Variants in MTHFD1L observed in about 807,000 individuals in gnomAD.
MTHFD1L encodes the protein methylenetetrahydrofolate dehydrogenase (NADP+ dependent) 1 like.
In MTHFD1L, 81 loss-of-function variants were observed where a neutral mutation model predicts 119.5. The observed-to-expected ratio is 0.68, with a 90% CI of 0.57 to 0.82. The LOEUF (loss-of-function observed/expected upper bound fraction) is 0.82, where lower values mean the gene tolerates loss of function less well. Among genes scored for constraint, MTHFD1L ranks in the 40% least tolerant of loss-of-function variants. The probability of loss-of-function intolerance (pLI) is 0.00; values close to 1 mark genes in which losing one functional copy is unlikely to be tolerated. For synonymous variants in MTHFD1L, 430 were observed against 475.2 expected (o/e 0.90, Z 1.24); for missense variants, 1,125 against 1,253.4 (o/e 0.90, Z 1.55).
At position 150,993,102 on chromosome 6, in the gene MTHFD1L, C is replaced by T. The variant is rs75172822; in HGVS notation, c.2126-16717C>T. 8.0e-3 allele frequency among the ~76,000 whole-genome samples: 1,224 copies of T among 152,162 alleles called. 14 individuals carry two copies. Among genetic ancestry groups the T allele is most frequent in the African/African-American group, 0.028 (1,158 of 41,504 alleles). ...ATTTCTCTCTCCATATTGTTTAGTC[C>T]CTTTTTCTTTGTTTGTTTTATGAAA... On this transcript the variant is annotated intron_variant, in intron 20 of 27. Coordinates refer to ENST00000367321, the MANE Select transcript of MTHFD1L (RefSeq NM_015440.5).
At chr6:150,893,136 C>T (rs1258992823) in intron 7 of MTHFD1L, among the ~76,000 whole-genome samples, 2 of 152,164 alleles carry the variant, frequency 1.3e-5, no homozygotes, top group Admixed American at 1.3e-4. Flanking sequence ...GCGATCTCGG[C>T]TCACTAAAGC....
intron 10 of MTHFD1L, among the ~76,000 whole-genome samples, chr6:150,923,896 T>A (rs9478860): frequency 0.089 from 13,477 of 152,166 alleles, 842 homozygotes; most frequent in African/African-American, 0.17. Flanking sequence ...CCTGGGCTTG[T>A]GCAATCTGTT....
intron 20 of MTHFD1L, among the ~76,000 whole-genome samples, chr6:150,994,979 A>G (rs563820869): frequency 2.6e-5 from 4 of 152,172 alleles, no homozygotes; most frequent in Non-Finnish European, 5.9e-5. Context: ...TTGCCAGTAT[A>G]ATAAACATAA....
intron 21 of MTHFD1L, among the ~76,000 whole-genome samples, chr6:151,010,991 C>A (rs1364126767): frequency 1.3e-5 from 2 of 152,164 alleles, no homozygotes; most frequent in Admixed American, 1.3e-4. Context: ...GATAAGGAAG[C>A]TGAGTTTTGA....
intron 24 of MTHFD1L, among the ~76,000 whole-genome samples, chr6:151,029,150 G>T (rs1431771078): frequency 2.0e-5 from 3 of 152,030 alleles, no homozygotes; most frequent in Non-Finnish European, 4.4e-5. Flanking sequence ...GCCAGACACA[G>T]TGGCTCACAC....
At chr6:151,061,399 G>T (rs1212882642) in intron 26 of MTHFD1L, among the ~76,000 whole-genome samples, 3 of 152,090 alleles carry the variant, frequency 2.0e-5, no homozygotes, top group Admixed American at 2.0e-4. Context: ...ATTGGGTAAT[G>T]GTCACGTACC....
At chr6:151,095,027 C>G (rs1315546726) in intron 27 of MTHFD1L, among the ~76,000 whole-genome samples, 1 of 152,164 alleles carries the variant, frequency 6.6e-6, no homozygotes, top group Non-Finnish European at 1.5e-5. Flanking sequence ...TACATTAAAA[C>G]AAAGTGTGAA....
chr6:150,980,971 C>T (rs116066337), intron 20 of MTHFD1L, among the ~76,000 whole-genome samples: 408 of 151,794 alleles, frequency 2.7e-3, no homozygotes, highest in African/African-American at 6.6e-3. Context: ...TTCATGGTAC[C>T]GCCCGGGCAA....
intron 27 of MTHFD1L, among the ~76,000 whole-genome samples, chr6:151,094,016 G>A (rs1050211792): frequency 1.6e-4 from 24 of 152,118 alleles, no homozygotes; most frequent in East Asian, 5.8e-4. Flanking sequence ...ACTCCCCATC[G>A]TGAAGAAAAA....
In MTHFD1L at chr6:151,034,550, A is replaced by G. The variant is rs942818423; in HGVS notation, c.2644A>G (p.Ile882Val). The change falls in exon 25 of 28, where the codon ATT (isoleucine) becomes GTT (valine). Residue 882 changes from isoleucine (I) to valine (V), a missense_variant. Ile to Val is a conservative substitution (Grantham distance 29). Transcript: ENST00000367321. ...TCAGGCTGTCTATGGAGCCAAAGAT[A>G]TTGAACTCTCTCCTGAGGCACAAGC... Reference protein sequence around the residue: ...IAQAVYGAKDIELSPEAQAKI... With the variant: ...IAQAVYGAKDVELSPEAQAKI... 1 of 1,612,000 alleles carries G rather than the reference A, an allele frequency of 6.2e-7. No homozygotes were observed. The highest frequency in any genetic ancestry group is 8.5e-7 in the Non-Finnish European group (1 of 1,179,838).
At chr6:151,068,943 G>A (rs1016926599) in intron 26 of MTHFD1L, among the ~76,000 whole-genome samples, 8 of 152,094 alleles carry the variant, frequency 5.3e-5, no homozygotes, top group East Asian at 1.9e-4. Context: ...ATGGGATCCC[G>A]CTTTGATTCC....
Position 150,865,947 on chromosome 6 carries a change from G to T in MTHFD1L, c.125G>T (p.Gly42Val). ...SSGGGGGGGG[G>V]REGLLGQRRP... ...GGCGGCGGCGGAGGCGGCGGCGGTG[G>T]CCGGGAGGGCCTGCTTGGACAGCGG... is the stretch of plus-strand genomic sequence containing the variant. The change falls in exon 1 of 28, where the codon GGC (glycine) becomes GTC (valine). Residue 42 changes from glycine to valine, a missense_variant. Physicochemically the swap from Gly to Val is moderately radical, Grantham distance 109. This residue lies in a region of MTHFD1L where 1,058 missense variants were observed against 1,151.2 expected (regional missense o/e 0.92). Coordinates refer to ENST00000367321, the MANE Select transcript of MTHFD1L (RefSeq NM_015440.5). 8.2e-7 allele frequency: 1 copy of T among 1,226,160 alleles called. No individual in the cohort carries two copies. The highest frequency in any genetic ancestry group is 1.0e-6 in the Non-Finnish European group (1 of 987,192). 76.0% of individuals were successfully genotyped at this position (1,226,160 alleles called of 1,614,324 possible). A position where few individuals can be genotyped will look rare whatever the true frequency, so the allele number is the denominator to read the frequency against.
intron 24 of MTHFD1L, among the ~76,000 whole-genome samples, chr6:151,026,820 CTTTTTTTTTTT>C (rs1158007442): frequency 3.9e-5 from 2 of 51,264 alleles, no homozygotes; most frequent in South Asian, 1.1e-3. Context: ...CCTTTCTATC[CTTTTTTTTTTT>C]TTTTTTTTTT....
intron 7 of MTHFD1L, among the ~76,000 whole-genome samples, chr6:150,892,640 G>A (rs1783509755): frequency 6.6e-6 from 1 of 152,106 alleles, no homozygotes; most frequent in African/African-American, 2.4e-5. Flanking sequence ...CCTCTACCTG[G>A]CCTACCTACC....
At chr6:151,029,916 CTCTT>C (rs1215865631) in intron 24 of MTHFD1L, among the ~76,000 whole-genome samples, 1 of 152,168 alleles carries the variant, frequency 6.6e-6, no homozygotes, top group Non-Finnish European at 1.5e-5. Context: ...AAAAATCACA[CTCTT>C]TATTTTTGAA....
Position 150,865,924 on chromosome 6 carries a change from CGGCGGCGGA to C in MTHFD1L, c.111_119del (p.Gly40_Gly42del). On this transcript the variant is annotated inframe_deletion, in exon 1 of 28. Transcript: ENST00000367321. ...GTGTGCCCTGTCGCGCTAGCAGCGG[CGGCGGCGGA>C]GGCGGCGGCGGTGGCCGGGAGGGCC... 6.7e-6 allele frequency: 8 copies of C among 1,197,772 alleles called. No individual in the cohort carries two copies. The highest frequency in any genetic ancestry group is 6.2e-6 in the Non-Finnish European group (6 of 969,790). The allele number at this position is 1,197,772 out of a possible 1,614,324, so 74.2% of individuals were successfully genotyped here.
intron 5 of MTHFD1L, among the ~76,000 whole-genome samples, chr6:150,885,336 C>T (rs1782069133): frequency 6.6e-6 from 1 of 151,994 alleles, no homozygotes; most frequent in African/African-American, 2.4e-5. Flanking sequence ...GCTGGGATTA[C>T]AGGCACGTGC....
At chr6:151,084,512 C>T (rs1335934217) in intron 26 of MTHFD1L, among the ~76,000 whole-genome samples, 2 of 152,172 alleles carry the variant, frequency 1.3e-5, no homozygotes, top group Non-Finnish European at 2.9e-5. Flanking sequence ...CTCCTGGCCC[C>T]AAGCGATCCT....
chr6:151,005,027 T>G (rs1330471749), intron 20 of MTHFD1L, among the ~76,000 whole-genome samples: 1 of 151,558 alleles, frequency 6.6e-6, no homozygotes, highest in Non-Finnish European at 1.5e-5. Flanking sequence ...TAAATAATTA[T>G]TTGGCCTGTA....
Sources: gnomAD v4.1 joint callset for allele counts (sites outside exome capture counted in the v4.1 genomes callset) on GRCh38, gnomAD v4.1.1 for gene constraint, gnomAD v4.1.1 regional missense constraint, MANE v1.5 for transcripts, NCBI Gene and HGNC (gene_info 2026-07-23, HGNC 2026-07-21) for gene names.